ATAD2: variants seen among roughly 807,000 people sequenced by gnomAD.
ATAD2 encodes ATPase family AAA domain-containing protein 2.
A neutral mutation model predicts 168.9 loss-of-function variants in ATAD2; 62 were observed. The ratio of observed to expected loss-of-function variants is 0.37; its 90% CI spans 0.30 to 0.45. The LOEUF (loss-of-function observed/expected upper bound fraction) is 0.45. Ranked by LOEUF, ATAD2 falls within the 20% of genes least tolerant of loss-of-function variation. The pLI, the probability that ATAD2 is intolerant of heterozygous loss-of-function variation, is 1.00. For missense variants in ATAD2, 1,419 were observed against 1,667.8 expected, an observed-to-expected ratio of 0.85 and a Z score of 2.60; for synonymous variants, 613 against 571.6, an observed-to-expected ratio of 1.07 and a Z score of -1.03.
intron 1 of ATAD2, among the ~76,000 whole-genome samples, chr8:123,394,505 T>C (rs1812738990): frequency 1.3e-5 from 2 of 152,132 alleles, no homozygotes; most frequent in Admixed American, 6.6e-5. Context: ...GGTGTATGTC[T>C]GTAATCCCAG....
chr8:123,394,465 C>T (rs1812737795), intron 1 of ATAD2, among the ~76,000 whole-genome samples: 1 of 152,072 alleles, frequency 6.6e-6, no homozygotes, highest in Non-Finnish European at 1.5e-5. Flanking sequence ...CCTGTCTCTA[C>T]TAAAAATACA....
upstream of ATAD2, chr8:123,400,935 G>A (rs909815441): frequency 1.4e-6 from 2 of 1,402,144 alleles, no homozygotes; most frequent in African/African-American, 2.8e-5. This position sits in a 1 kb window ranked among gnomAD's most constrained non-coding sequence, Gnocchi z 4.5. Context: ...ACCCCATGGT[G>A]CTGAGCCCCT....
upstream of ATAD2, chr8:123,396,569 G>T (rs1316316773): frequency 3.5e-6 from 2 of 563,646 alleles, no homozygotes; most frequent in Non-Finnish European, 6.1e-6. Flanking sequence ...TTTGTAGAGC[G>T]AAGGAGGCCG....
At chr8:123,334,357 C>T (rs1016416424) in intron 22 of ATAD2, 35 bp from the exon 23 acceptor site, 3 of 1,464,440 alleles carry the variant, frequency 2.0e-6, no homozygotes, top group Non-Finnish European at 2.7e-6. Flanking sequence ...TTTTTAATTT[C>T]CCCCTTTTAA....
At chr8:123,346,478 C>G in intron 17 of ATAD2, 140 bp downstream of exon 17, 3 of 1,033,492 alleles carry the variant, frequency 2.9e-6, no homozygotes, top group Non-Finnish European at 4.0e-6. Flanking sequence ...GTTGTGACAA[C>G]TGTAACAACA....
chr8:123,382,671 T>C (rs1366185930), intron 1 of ATAD2, among the ~76,000 whole-genome samples: 1 of 152,162 alleles, frequency 6.6e-6, no homozygotes, highest in Middle Eastern at 3.2e-3. Context: ...CCAGTTAGAA[T>C]GGTGATCATT....
rs1473195543 is a variant in ATAD2, at chr8:123,321,137, T to G, written c.4170A>C (p.Arg1390Ser). ...AATACTCGATACCATGACATCATCA[T>G]CTGGAACAACTGAAGTTTTCTACCT... ...EQEVENFSCSR is the reference protein window; with the variant it reads ...EQEVENFSCSS The change falls in exon 28 of 28, where the codon AGA becomes AGC. Residue 1390 changes from arginine to serine, a missense_variant. Physicochemically the swap from Arg to Ser is moderately radical, Grantham distance 110 (BLOSUM62 -1). Transcript: ENST00000287394. 1 of 1,608,956 alleles carries G rather than the reference T, an allele frequency of 6.2e-7. No individual in the cohort carries two copies. The highest frequency in any genetic ancestry group is 1.7e-5 in the Admixed American group (1 of 58,388).
At chr8:123,382,644 T>C (rs1177103139) in intron 1 of ATAD2, among the ~76,000 whole-genome samples, 1 of 152,074 alleles carries the variant, frequency 6.6e-6, no homozygotes, top group Admixed American at 6.6e-5. Flanking sequence ...AAAACCACAA[T>C]GAGATACCAG....
In ATAD2 at chr8:123,328,521, C is replaced by CT. The variant is rs907599320; in HGVS notation, c.3536dup (p.Arg1180AlafsTer10). ...CCTTTGCCTGTGAAATCTTCCTTCG[C>CT]TTTTTTATGGTGCCTAAGTACCAGT... is the stretch of plus-strand genomic sequence containing the variant. On this transcript the variant is annotated frameshift_variant, in exon 25 of 28. Transcript: ENST00000287394. LOFTEE classifies it high-confidence loss of function. The CT allele has an allele frequency of 1.3e-6, 2 of 1,591,974 alleles. No individual in the cohort carries two copies. The highest frequency in any genetic ancestry group is 8.5e-7 in the Non-Finnish European group (1 of 1,171,906).
chr8:123,380,902 A>G (rs906806405), intron 1 of ATAD2: 6 of 495,194 alleles, frequency 1.2e-5, no homozygotes, highest in Admixed American at 3.6e-5. Context: ...TTACTGGTTT[A>G]TAGTTCATAA....
At chr8:123,359,466 A>G in intron 10 of ATAD2, 111 bp downstream of exon 10, 1 of 1,258,836 alleles carries the variant, frequency 7.9e-7, no homozygotes, top group Non-Finnish European at 1.1e-6. Context: ...AAACGTCTGT[A>G]AAGGTTAGAG....
In ATAD2 at chr8:123,349,459, TAAGA is replaced by T. The variant is rs1828375893; in HGVS notation, c.1647-19_1647-16del. On this transcript the variant is annotated splice_polypyrimidine_tract_variant and intron_variant, in intron 13 of 27. Transcript: ENST00000287394. Reference sequence around the variant, plus strand: ...AAACAATAGAACTAAATTTTAAAAATAAGAGAGAAGAGATTAATACTATGAACAC... The same window carrying T: ...AAACAATAGAACTAAATTTTAAAAATGAGAAGAGATTAATACTATGAACAC... 1 of 1,607,996 alleles carries T rather than the reference TAAGA, an allele frequency of 6.2e-7. No homozygotes were observed. Among genetic ancestry groups the T allele is most frequent in the Non-Finnish European group, 8.5e-7 (1 of 1,175,138 alleles).
In ATAD2 at chr8:123,359,353, A is replaced by T. The variant is rs1357414121; in HGVS notation, c.1267-17T>A. ...AAATCGTACCTGGTAATGGAAGCGA[A>T]CATGTACATTTTTAGATTTGGAGTC... On this transcript the variant is annotated splice_polypyrimidine_tract_variant and intron_variant, in intron 10 of 27. Coordinates refer to ENST00000287394, the MANE Select transcript of ATAD2 (RefSeq NM_014109.4). 2.6e-6 allele frequency: 4 copies of T among 1,549,640 alleles called. No individual in the cohort carries two copies. In the South Asian group the frequency reaches 4.7e-5, roughly 18 times the overall value.
chr8:123,376,847 C>T (rs1429886561), intron 2 of ATAD2, among the ~76,000 whole-genome samples: 1 of 151,682 alleles, frequency 6.6e-6, no homozygotes, highest in African/African-American at 2.4e-5. Flanking sequence ...AATCCCAGCA[C>T]TTTGGGAGGC....
chr8:123,404,918 T>C (rs1813050625), intron 1 of ATAD2, among the ~76,000 whole-genome samples: 1 of 152,204 alleles, frequency 6.6e-6, no homozygotes, highest in Non-Finnish European at 1.5e-5. Context: ...CATTTTGAGA[T>C]CTCAGTTATA....
chr8:123,402,146 C>A lies in ATAD2; in HGVS notation c.-2281-971G>T. 1 of 735,452 alleles carries A rather than the reference C, an allele frequency of 1.4e-6. No homozygotes were observed. The highest frequency in any genetic ancestry group is 2.4e-6 in the Non-Finnish European group (1 of 411,526). 45.6% of individuals were successfully genotyped at this position (735,452 alleles called of 1,614,324 possible). On this transcript the variant is annotated intron_variant, in intron 1 of 28. Coordinates refer to the ATAD2 transcript ENST00000521903. The surrounding 1 kb of genome is among the most constrained non-coding windows in gnomAD (Gnocchi z 4.8). ...GCCGAGGTGGTGGAGGGGGCACCCC[C>A]CAGTGTCCACCTTCGGGCATAGCCT...
At chr8:123,415,563 T>C (rs1241463678) in intron 1 of ATAD2, among the ~76,000 whole-genome samples, 1 of 152,070 alleles carries the variant, frequency 6.6e-6, no homozygotes, top group Admixed American at 6.6e-5. Context: ...TGAAAGTCCC[T>C]GATATTAATA....
intron 2 of ATAD2, among the ~76,000 whole-genome samples, chr8:123,377,699 G>A (rs1309648488): frequency 1.3e-5 from 2 of 152,158 alleles, no homozygotes; most frequent in Non-Finnish European, 2.9e-5. Flanking sequence ...ATACTGCTGT[G>A]TACCACGATG....
At chr8:123,360,725 A>G (rs1203332352) in intron 9 of ATAD2, among the ~76,000 whole-genome samples, 3 of 152,078 alleles carry the variant, frequency 2.0e-5, no homozygotes, top group Non-Finnish European at 2.9e-5. Flanking sequence ...TAAAAGAAAA[A>G]AAAAAGAATC....
Sources: gnomAD v4.1 joint callset for allele counts (sites outside exome capture counted in the v4.1 genomes callset) on GRCh38, gnomAD v4.1.1 for gene constraint, Gnocchi (gnomAD v3.1) non-coding constraint, MANE v1.5 for transcripts, NCBI Gene and HGNC (gene_info 2026-07-23, HGNC 2026-07-21) for gene names.